MRC1: variants seen among roughly 807,000 people sequenced by gnomAD.
MRC1 encodes the protein mannose receptor C-type 1.
In MRC1, 62 loss-of-function variants were observed where a neutral mutation model predicts 102.9. That is an observed-to-expected ratio of 0.60 (90% CI 0.49 to 0.74). The LOEUF is 0.74. Among genes scored for constraint, MRC1 ranks in the 30% least tolerant of loss-of-function variants. The pLI is 0.00. For missense variants in MRC1, 1,237 were observed against 862.8 expected, an observed-to-expected ratio of 1.43 and a Z score of -5.43; for synonymous variants, 457 against 298.4, an observed-to-expected ratio of 1.53 and a Z score of -5.48.
At chr10:17,838,501 G>A (rs1388704141) in intron 4 of MRC1, among the ~76,000 whole-genome samples, 9 of 151,200 alleles carry the variant, frequency 6.0e-5, no homozygotes, top group African/African-American at 2.2e-4. Flanking sequence ...TTGTTTCCCC[G>A]ATGGTTTTTA....
chr10:17,890,110 G>T (rs1833652489), intron 22 of MRC1, among the ~76,000 whole-genome samples: 3 of 152,022 alleles, frequency 2.0e-5, no homozygotes, highest in Admixed American at 2.0e-4. Flanking sequence ...AGGTTGGTGG[G>T]TTTTTTCTTT....
chr10:17,903,649 G>T lies in MRC1; in HGVS notation c.3799+1527G>T, dbSNP rs934652160. Among the ~76,000 whole-genome samples the T allele has an allele frequency of 5.8e-3, 879 of 152,006 alleles. 9 individuals are homozygous for T. Among genetic ancestry groups the T allele is most frequent in the African/African-American group, 0.019 (784 of 41,460 alleles). ...GACCTCAGGTTATCCACCTGCCTCG[G>T]CTTCCCAAAGTACTGGGATTACTGG... On this transcript the variant is annotated intron_variant, in intron 26 of 29. Coordinates refer to ENST00000569591, the MANE Select transcript of MRC1 (RefSeq NM_002438.4).
chr10:17,890,775 G>C (rs1485451087), intron 22 of MRC1, among the ~76,000 whole-genome samples: 1 of 152,128 alleles, frequency 6.6e-6, no homozygotes, highest in Non-Finnish European at 1.5e-5. Context: ...TCTGCAACCC[G>C]TGGGCCACAG....
chr10:17,888,564 G>C (rs1833631787), intron 22 of MRC1, among the ~76,000 whole-genome samples: 1 of 152,032 alleles, frequency 6.6e-6, no homozygotes, highest in African/African-American at 2.4e-5. Flanking sequence ...TTAATTTCTA[G>C]GTATTTTGGA....
chr10:17,899,231 G>T (rs1311896690), intron 24 of MRC1, among the ~76,000 whole-genome samples: 1 of 152,196 alleles, frequency 6.6e-6, no homozygotes, highest in Non-Finnish European at 1.5e-5. Flanking sequence ...GTAGGGAAGT[G>T]TGTATTTAAA....
chr10:17,853,847 A>C (rs1833032452), intron 8 of MRC1, among the ~76,000 whole-genome samples: 1 of 152,146 alleles, frequency 6.6e-6, no homozygotes. Context: ...TAGATGGTAA[A>C]CACAGTGATT....
At chr10:17,827,443 A>T in intron 2 of MRC1, 99 bp from the exon 3 acceptor site, 1 of 679,252 alleles carries the variant, frequency 1.5e-6, no homozygotes, top group Non-Finnish European at 2.7e-6. Context: ...AAGTGTAATC[A>T]GAACAGTAAG....
chr10:17,824,799 T>C (rs1838448694), intron 2 of MRC1, among the ~76,000 whole-genome samples: 1 of 152,190 alleles, frequency 6.6e-6, no homozygotes, highest in Non-Finnish European at 1.5e-5. Context: ...TTTTATTTTA[T>C]TTTAAAATAT....
chr10:17,871,894 A>G (rs1407860069), intron 14 of MRC1, 88 bp from the exon 15 acceptor site: 8 of 729,936 alleles, frequency 1.1e-5, no homozygotes, highest in Admixed American at 2.0e-5. Flanking sequence ...AACAATGCAA[A>G]CATATCTTTC....
chr10:17,858,429 A>G (rs1833127052), intron 9 of MRC1, among the ~76,000 whole-genome samples: 1 of 152,108 alleles, frequency 6.6e-6, no homozygotes. Context: ...GCTGCAGTGT[A>G]GCATTCTACT....
At chr10:17,823,543 A>G (rs1838429301) in intron 2 of MRC1, 68 bp downstream of exon 2, 1 of 776,566 alleles carries the variant, frequency 1.3e-6, no homozygotes, top group Non-Finnish European at 2.4e-6. Context: ...ACCTGATTCA[A>G]GAAAATCATC....
chr10:17,861,504 T>C lies in MRC1; in HGVS notation c.1634+2T>C. On this transcript the variant is annotated splice_donor_variant, in intron 10 of 29. Transcript: ENST00000569591. LOFTEE classifies it high-confidence loss of function. ...TTATTTAACAACTATTGAAGACAGGTATGTAACTATTTTAATTTCATTTTA... is the reference window on the plus strand; with the variant it reads ...TTATTTAACAACTATTGAAGACAGGCATGTAACTATTTTAATTTCATTTTA... 1.2e-6 allele frequency: 1 copy of C among 863,284 alleles called. No individual in the cohort carries two copies. The highest frequency in any genetic ancestry group is 1.3e-5 in the South Asian group (1 of 74,738). The allele number at this position is 863,284 out of a possible 1,614,324, so 53.5% of individuals were successfully genotyped here. A position where few individuals can be genotyped will look rare whatever the true frequency, so the allele number is the denominator to read the frequency against.
chr10:17,866,197 A>G (rs1245234886), intron 11 of MRC1, among the ~76,000 whole-genome samples: 1 of 151,972 alleles, frequency 6.6e-6, no homozygotes, highest in Non-Finnish European at 1.5e-5. Context: ...TGGAAAACCT[A>G]CGTAGACCTT....
chr10:17,903,008 A>G (rs1310487080), intron 26 of MRC1, among the ~76,000 whole-genome samples: 1 of 152,176 alleles, frequency 6.6e-6, no homozygotes, highest in Non-Finnish European at 1.5e-5. Flanking sequence ...ACTAATGTTT[A>G]TCTAAAAGTC....
chr10:17,864,548 G>C (rs1344537071), intron 11 of MRC1, among the ~76,000 whole-genome samples: 1 of 151,934 alleles, frequency 6.6e-6, no homozygotes, highest in Admixed American at 6.6e-5. Flanking sequence ...AGAAGTGGAG[G>C]TCGGCCGCGG....
chr10:17,813,843 G>T (rs1241309823), intron 1 of MRC1, among the ~76,000 whole-genome samples: 1 of 151,698 alleles, frequency 6.6e-6, no homozygotes, highest in Non-Finnish European at 1.5e-5. Flanking sequence ...CACCACAGGT[G>T]CATGCCACCA....
At chr10:17,842,117 C>CATGCTTGTA (rs1434952054) in intron 5 of MRC1, among the ~76,000 whole-genome samples, 9 of 152,158 alleles carry the variant, frequency 5.9e-5, no homozygotes, top group Non-Finnish European at 1.2e-4. Context: ...CATGCACCAC[C>CATGCTTGTA]ATGCCTGGCT....
At chr10:17,816,015 G>T (rs188992572) in intron 1 of MRC1, among the ~76,000 whole-genome samples, 1 of 151,978 alleles carries the variant, frequency 6.6e-6, no homozygotes, top group African/African-American at 2.4e-5. Context: ...GTAGAGACGC[G>T]GTTCCACCAT....
At chr10:17,880,764 C>T (rs1833502287) in intron 20 of MRC1, 94 bp downstream of exon 20, 1 of 762,548 alleles carries the variant, frequency 1.3e-6, no homozygotes, top group African/African-American at 1.7e-5. Context: ...AGCCTCATTA[C>T]TTTAGAAAAT....
Sources: gnomAD v4.1 joint callset for allele counts (sites outside exome capture counted in the v4.1 genomes callset) on GRCh38, gnomAD v4.1.1 for gene constraint, MANE v1.5 for transcripts, NCBI Gene and HGNC (gene_info 2026-07-23, HGNC 2026-07-21) for gene names.